The following DCLK1 variants were observed in gnomAD, a reference collection of about 807,000 sequenced individuals.
DCLK1 encodes the protein doublecortin like kinase 1.
A neutral mutation model predicts 86.2 loss-of-function variants in DCLK1; 16 were observed. The ratio of observed to expected loss-of-function variants is 0.19; its 90% CI spans 0.13 to 0.28. The LOEUF (loss-of-function observed/expected upper bound fraction) is 0.28. Ranked by LOEUF, DCLK1 falls within the 10% of genes least tolerant of loss-of-function variation. The probability of loss-of-function intolerance (pLI) is 1.00; values close to 1 mark genes in which losing one functional copy is unlikely to be tolerated. For missense variants in DCLK1, 590 were observed against 940.2 expected (o/e 0.63, Z 4.87); for synonymous variants, 369 against 370.5 (o/e 1.00, Z 0.05).
chr13:36,085,505 C>T (rs1423922225), intron 3 of DCLK1, among the ~76,000 whole-genome samples: 5 of 152,142 alleles, frequency 3.3e-5, no homozygotes, highest in Non-Finnish European at 5.9e-5. Context: ...GTGCCACTGT[C>T]CCCAAAGACA....
At chr13:35,955,811 G>A (rs1287434892) in intron 3 of DCLK1, among the ~76,000 whole-genome samples, 1 of 152,126 alleles carries the variant, frequency 6.6e-6, no homozygotes, top group Non-Finnish European at 1.5e-5. Flanking sequence ...GAGAACACCA[G>A]GGATGAGCAG....
At position 35,918,892 on chromosome 13, in the gene DCLK1, G is replaced by GTTTTTTTTTTTTTTTTTTTTTTTT. The variant is rs749567335; in HGVS notation, c.823+28465_823+28466insAAAAAAAAAAAAAAAAAAAAAAAA. Among the ~76,000 whole-genome samples the GTTTTTTTTTTTTTTTTTTTTTTTT allele has an allele frequency of 1.0e-4, 8 of 76,322 alleles. 1 individual carries two copies. The highest frequency in any genetic ancestry group is 1.8e-4 in the African/African-American group (4 of 22,620). The allele number at this position is 76,322 out of a possible 152,430, so 50.1% of individuals were successfully genotyped here. Reference sequence around the variant, plus strand: ...AAAAAGAAATCTTCCTTCTGAGTGTGTTTTTTTTTTTTTTTTTGGAAACGG... The same window carrying GTTTTTTTTTTTTTTTTTTTTTTTT: ...AAAAAGAAATCTTCCTTCTGAGTGTGTTTTTTTTTTTTTTTTTTTTTTTTTTTTTTTTTTTTTTTTTGGAAACGG... On this transcript the variant is annotated intron_variant, in intron 4 of 16. Transcript: ENST00000360631.
intron 3 of DCLK1, among the ~76,000 whole-genome samples, chr13:36,048,234 C>T (rs1882994009): frequency 6.6e-6 from 1 of 152,044 alleles, no homozygotes; most frequent in South Asian, 2.1e-4. Context: ...AAACTGGAAA[C>T]CTTTCACTAG....
intron 3 of DCLK1, among the ~76,000 whole-genome samples, chr13:35,953,030 C>T (rs1213007512): frequency 6.6e-6 from 1 of 152,160 alleles, no homozygotes; most frequent in Non-Finnish European, 1.5e-5. Flanking sequence ...TGCTTTATCA[C>T]AGTAATTATA....
chr13:35,836,351 C>T (rs1000436837), intron 7 of DCLK1, among the ~76,000 whole-genome samples: 6 of 152,052 alleles, frequency 3.9e-5, no homozygotes, highest in African/African-American at 1.2e-4. Flanking sequence ...TAAAAAGAAA[C>T]GTAAGGGGTC....
intron 3 of DCLK1, among the ~76,000 whole-genome samples, chr13:36,070,927 G>A (rs1883951154): frequency 6.6e-6 from 1 of 152,284 alleles, no homozygotes; most frequent in Middle Eastern, 3.4e-3. Context: ...TTACAGGCGT[G>A]AGCCACCGCG....
chr13:35,840,836 C>T (rs1248047285), intron 6 of DCLK1, among the ~76,000 whole-genome samples: 3 of 152,220 alleles, frequency 2.0e-5, no homozygotes, highest in African/African-American at 7.2e-5. Context: ...TATGGATGGA[C>T]ATCTTTTTGT....
intron 3 of DCLK1, among the ~76,000 whole-genome samples, chr13:36,058,339 G>A (rs1026971665): frequency 3.3e-5 from 5 of 152,142 alleles, no homozygotes; most frequent in Non-Finnish European, 7.4e-5. Context: ...GAGTAACCAA[G>A]GGCTAGGCTG....
chr13:36,067,697 C>G (rs184758396), intron 3 of DCLK1, among the ~76,000 whole-genome samples: 1 of 152,118 alleles, frequency 6.6e-6, no homozygotes, highest in East Asian at 1.9e-4. Flanking sequence ...TGCCACACCT[C>G]AGCTCTACCT....
At chr13:35,787,125 A>T (rs924893195) in intron 16 of DCLK1, among the ~76,000 whole-genome samples, 1 of 151,292 alleles carries the variant, frequency 6.6e-6, no homozygotes, top group African/African-American at 2.4e-5. Flanking sequence ...TATGTATAAC[A>T]TATATACTTT....
chr13:35,925,610 G>A (rs1876070168), intron 4 of DCLK1, among the ~76,000 whole-genome samples: 1 of 152,088 alleles, frequency 6.6e-6, no homozygotes, highest in African/African-American at 2.4e-5. Flanking sequence ...ATTTTAATGT[G>A]TTTTAAGTTA....
chr13:35,899,012 A>C (rs1346447928), intron 4 of DCLK1, among the ~76,000 whole-genome samples: 1 of 152,166 alleles, frequency 6.6e-6, no homozygotes, highest in African/African-American at 2.4e-5. Context: ...AAGTGCTGGA[A>C]TTACAGGCGT....
At chr13:36,045,372 A>C (rs12860846) in intron 3 of DCLK1, among the ~76,000 whole-genome samples, 2 of 129,756 alleles carry the variant, frequency 1.5e-5, no homozygotes, top group East Asian at 2.2e-4. Flanking sequence ...ATATATATAT[A>C]TATATTTCAA....
intron 15 of DCLK1, among the ~76,000 whole-genome samples, chr13:35,796,649 G>T (rs1020087990): frequency 3.9e-5 from 6 of 152,156 alleles, no homozygotes; most frequent in African/African-American, 1.4e-4. Flanking sequence ...GCTCAGCAAG[G>T]TGAATTCATT....
chr13:35,878,825 G>A (rs952780221), intron 4 of DCLK1, among the ~76,000 whole-genome samples: 12 of 150,410 alleles, frequency 8.0e-5, no homozygotes, highest in South Asian at 2.1e-4. Context: ...TTGTTCTGTC[G>A]CCCAGGCCAG....
intron 3 of DCLK1, among the ~76,000 whole-genome samples, chr13:36,031,816 G>T (rs1882288159): frequency 6.6e-6 from 1 of 152,202 alleles, no homozygotes; most frequent in Non-Finnish European, 1.5e-5. Context: ...GAACTGCTTT[G>T]CACGTGGCTT....
chr13:35,976,109 G>A lies in DCLK1; in HGVS notation c.724-28652C>T, dbSNP rs573897342. ...GCAGATTGAGCTCACTGTTTTCCTC[G>A]GGGTTCCAAGCCAGCCCCAAAGGAT... On this transcript the variant is annotated intron_variant, in intron 3 of 16. Coordinates refer to ENST00000360631, the MANE Select transcript of DCLK1 (RefSeq NM_001330071.2). Among the ~76,000 whole-genome samples the A allele has an allele frequency of 1.4e-4, 22 of 152,270 alleles. No individual in the cohort carries two copies. The Middle Eastern group carries it at 0.01, about 71-fold the overall frequency.
chr13:35,797,665 A>G (rs1173044862), intron 15 of DCLK1, among the ~76,000 whole-genome samples: 1 of 150,480 alleles, frequency 6.6e-6, no homozygotes. Context: ...ATACATGTAA[A>G]CACACACACA....
At chr13:35,892,885 T>G (rs1873729571) in intron 4 of DCLK1, among the ~76,000 whole-genome samples, 1 of 152,190 alleles carries the variant, frequency 6.6e-6, no homozygotes, top group Non-Finnish European at 1.5e-5. Context: ...TCTGGAAAAC[T>G]TTTCTTGGCT....
Sources: gnomAD v4.1 joint callset for allele counts (sites outside exome capture counted in the v4.1 genomes callset) on GRCh38, gnomAD v4.1.1 for gene constraint, MANE v1.5 for transcripts, NCBI Gene and HGNC (gene_info 2026-07-23, HGNC 2026-07-21) for gene names.